MRTFA: variants seen among roughly 807,000 people sequenced by gnomAD.
MRTFA encodes the protein myocardin-related transcription factor A.
MRTFA carries 20 observed loss-of-function variants against 83.5 expected under a neutral mutation model. The ratio of observed to expected loss-of-function variants is 0.24; its 90% confidence interval spans 0.17 to 0.35. The LOEUF (loss-of-function observed/expected upper bound fraction) is 0.35, where lower values mean the gene tolerates loss of function less well. MRTFA is among the 10% of genes least tolerant of loss of function. The probability of loss-of-function intolerance (pLI) is 1.00; values close to 1 mark genes in which losing one functional copy is unlikely to be tolerated. For synonymous variants in MRTFA, 659 were observed against 541.2 expected, an observed-to-expected ratio of 1.22 and a Z score of -3.02; for missense variants, 1,200 against 1,224.7, an observed-to-expected ratio of 0.98 and a Z score of 0.30.
At chr22:40,485,337 C>A (rs1301798527) in intron 3 of MRTFA, among the ~76,000 whole-genome samples, 2 of 152,154 alleles carry the variant, frequency 1.3e-5, no homozygotes, top group African/African-American at 2.4e-5. Flanking sequence ...GTGGGACAGA[C>A]AACAAACAAG....
At chr22:40,462,951 A>G (rs1271786292) in intron 4 of MRTFA, among the ~76,000 whole-genome samples, 6 of 152,234 alleles carry the variant, frequency 3.9e-5, no homozygotes, top group African/African-American at 4.8e-5. Flanking sequence ...GTGCAATTCC[A>G]AAGTAAAGGA....
At chr22:40,433,657 T>C (rs1000806684) in intron 5 of MRTFA, 1 of 152,260 alleles carries the variant, frequency 6.6e-6, no homozygotes, top group Non-Finnish European at 1.5e-5. Context: ...GAAATGAAAC[T>C]TCTCTTGAAT....
chr22:40,609,853 G>C (rs1301678567), intron 1 of MRTFA, among the ~76,000 whole-genome samples: 1 of 151,978 alleles, frequency 6.6e-6, no homozygotes, highest in Non-Finnish European at 1.5e-5. Context: ...ACCCATCAAA[G>C]ATAACAGGTA....
intron 3 of MRTFA, among the ~76,000 whole-genome samples, chr22:40,502,036 C>A (rs181544743): frequency 4.4e-5 from 6 of 136,848 alleles, no homozygotes; most frequent in Admixed American, 1.4e-4. Context: ...GGGGGCTGAC[C>A]CCCCCACCTC....
At chr22:40,548,143 G>A (rs139465064) in intron 3 of MRTFA, among the ~76,000 whole-genome samples, 9 of 151,974 alleles carry the variant, frequency 5.9e-5, no homozygotes, top group African/African-American at 2.2e-4. Context: ...GGGATCACTT[G>A]AAGTCAGGAG....
chr22:40,495,271 CCT>C (rs550113687), intron 3 of MRTFA, among the ~76,000 whole-genome samples: 108 of 151,842 alleles, frequency 7.1e-4, no homozygotes, highest in African/African-American at 2.6e-3. Context: ...ACAGTGAAAC[CCT>C]GTCTCTACTA....
chr22:40,618,086 T>TG (rs2056475885), intron 1 of MRTFA, among the ~76,000 whole-genome samples: 1 of 151,404 alleles, frequency 6.6e-6, no homozygotes. Context: ...TTTTGTTTTT[T>TG]TTTTTTGAGA....
chr22:40,596,819 C>A (rs6001977), intron 1 of MRTFA, among the ~76,000 whole-genome samples: 2,626 of 151,750 alleles, frequency 0.017, 63 homozygotes, highest in Middle Eastern at 0.09. Context: ...ACAACAACAA[C>A]AAAAAAATAG....
At chr22:40,502,142 C>G (rs1203329181) in intron 3 of MRTFA, among the ~76,000 whole-genome samples, 1 of 144,224 alleles carries the variant, frequency 6.9e-6, no homozygotes, top group African/African-American at 2.6e-5. Flanking sequence ...GACGGGGCGG[C>G]TGGCCGGGCG....
chr22:40,449,274 G>GAAAAAA (rs35140973), intron 4 of MRTFA, among the ~76,000 whole-genome samples: 40 of 87,822 alleles, frequency 4.6e-4, no homozygotes, highest in South Asian at 7.4e-4. Context: ...CTCCAAACGA[G>GAAAAAA]AAAAAAAAAA....
chr22:40,471,807 G>A (rs1474366891), intron 3 of MRTFA, among the ~76,000 whole-genome samples: 1 of 152,140 alleles, frequency 6.6e-6, no homozygotes, highest in African/African-American at 2.4e-5. Flanking sequence ...GGGAGGTCGA[G>A]GCTGTAGTGA....
intron 3 of MRTFA, 131 bp from the exon 4 acceptor site, chr22:40,463,417 G>C: frequency 1.4e-6 from 1 of 699,648 alleles, no homozygotes; most frequent in South Asian, 1.7e-5. Context: ...CCCTTGAAGT[G>C]CAACTGTCTG....
At chr22:40,601,445 GCGATCCTC>G (rs2056257697) in intron 1 of MRTFA, among the ~76,000 whole-genome samples, 1 of 152,110 alleles carries the variant, frequency 6.6e-6, no homozygotes, top group Admixed American at 6.6e-5. Context: ...CTAGCTTCAA[GCGATCCTC>G]CTGCCTTGAC....
chr22:40,557,905 C>T (rs2055551726), intron 2 of MRTFA, among the ~76,000 whole-genome samples: 1 of 152,152 alleles, frequency 6.6e-6, no homozygotes, highest in Non-Finnish European at 1.5e-5. Flanking sequence ...TCCCGAGTAA[C>T]TGGGAATATA....
At chr22:40,437,317 A>C (rs565244057) in intron 4 of MRTFA, among the ~76,000 whole-genome samples, 1 of 152,252 alleles carries the variant, frequency 6.6e-6, no homozygotes, top group Non-Finnish European at 1.5e-5. Context: ...CATCACACGT[A>C]ACCTTGGCTC....
intron 2 of MRTFA, among the ~76,000 whole-genome samples, chr22:40,576,743 C>T (rs2055873108): frequency 6.6e-6 from 1 of 152,066 alleles, no homozygotes; most frequent in South Asian, 2.1e-4. Context: ...GAAAAACCTC[C>T]AATATAATGT....
chr22:40,499,603 A>T (rs533410099), intron 3 of MRTFA, among the ~76,000 whole-genome samples: 2 of 152,196 alleles, frequency 1.3e-5, no homozygotes, highest in African/African-American at 4.8e-5. Flanking sequence ...TGAAAAAAAA[A>T]TTTTTAACCA....
intron 2 of MRTFA, among the ~76,000 whole-genome samples, chr22:40,593,375 G>A (rs1464839823): frequency 6.6e-6 from 1 of 152,058 alleles, no homozygotes; most frequent in East Asian, 1.9e-4. Flanking sequence ...GAACATACAT[G>A]AAAATTTACA....
chr22:40,448,242 G>A (rs140599295), intron 4 of MRTFA, among the ~76,000 whole-genome samples: 83 of 152,210 alleles, frequency 5.5e-4, no homozygotes, highest in African/African-American at 1.8e-3. Flanking sequence ...CCCGGGTAGC[G>A]GAGGTTGCAG....
Sources: gnomAD v4.1 joint callset for allele counts (sites outside exome capture counted in the v4.1 genomes callset) on GRCh38, gnomAD v4.1.1 for gene constraint, MANE v1.5 for transcripts, NCBI Gene and HGNC (gene_info 2026-07-23, HGNC 2026-07-21) for gene names.